The following HEATR4 variants were observed in gnomAD, a reference collection of about 807,000 sequenced individuals.
HEATR4 encodes HEAT repeat containing 4.
Under a neutral mutation model 108.8 loss-of-function variants are expected in HEATR4, and 95 were observed. The observed-to-expected ratio is 0.87, with a 90% CI of 0.74 to 1.04. The LOEUF (loss-of-function observed/expected upper bound fraction) is 1.04, where lower values mean the gene tolerates loss of function less well. Ranked by LOEUF, HEATR4 falls within the 50% of genes least tolerant of loss-of-function variation. HEATR4 has a pLI of 0.00. For synonymous variants in HEATR4, 443 were observed against 459.4 expected (o/e 0.96, Z 0.46); for missense variants, 1,152 against 1,253.8 (o/e 0.92, Z 1.23).
At chr14:73,592,421 G>T in the HEATR4 span, 1 of 1,509,422 alleles carries the variant, frequency 6.6e-7, no homozygotes, top group Non-Finnish European at 8.8e-7. Flanking sequence ...CGCCAGGTGA[G>T]CCAGGCTGCT....
the HEATR4 span, chr14:73,619,797 A>G: frequency 6.2e-7 from 1 of 1,610,730 alleles, no homozygotes; most frequent in South Asian, 1.1e-5. Flanking sequence ...TCTTCCATAA[A>G]CATCTCAATG....
Position 73,536,391 on chromosome 14 carries a change from T to C in HEATR4, c.-151-6147A>G, listed in dbSNP as rs1888862239. On this transcript the variant is annotated intron_variant, in intron 1 of 17. Transcript: ENST00000553558. ...TGCATGGGGAGCGCCGGTAGTCCCT[T>C]GAGGTGTTTGAGAGGCTGAGGCAGG... Among the ~76,000 whole-genome samples the C allele has an allele frequency of 1.8e-5, 2 of 108,344 alleles. 1 individual carries two copies. The highest frequency in any genetic ancestry group is 6.0e-5 in the African/African-American group (2 of 33,230). 71.1% of individuals were successfully genotyped at this position (108,344 alleles called of 152,430 possible). A position where few individuals can be genotyped will look rare whatever the true frequency, so the allele number is the denominator to read the frequency against.
Position 73,496,636 on chromosome 14 carries a change from C to T in HEATR4, c.2590G>A (p.Gly864Arg), listed in dbSNP as rs202004334. Residue 864 changes from glycine (G) to arginine (R), a missense_variant, in exon 15 of 18, where the codon GGA becomes AGA. By Grantham distance (125) the Gly-to-Arg change is moderately radical (BLOSUM62 -2). Transcript: ENST00000553558. ...ATCTCCTGAAGCATTTCTTGGTTTC[C>T]TTCATTTCCTAAGTTGAGTATCTTC... ...TMKILNLGNE[G>R]NQEMLQEIKN... is the part of the protein sequence containing the mutation. 34 of 1,603,050 alleles carry T rather than the reference C, an allele frequency of 2.1e-5. 1 individual carries two copies. The Middle Eastern group carries it at 6.6e-4, about 31-fold the overall frequency.
chr14:73,622,947 C>T, the HEATR4 span, among the ~76,000 whole-genome samples: 15 of 151,784 alleles, frequency 9.9e-5, 1 homozygote, highest in African/African-American at 3.6e-4. Flanking sequence ...TTTGCTCTTG[C>T]TGCCTGGGCT....
chr14:73,512,007 TGA>T lies in HEATR4; in HGVS notation c.1555_1556del (p.Ser519ArgfsTer21). On this transcript the variant is annotated frameshift_variant and splice_region_variant, in exon 7 of 18. Coordinates refer to ENST00000553558, the MANE Select transcript of HEATR4 (RefSeq NM_001220484.1). LOFTEE classifies it high-confidence loss of function. ...AAGCAGTTCAGCTTTGGCTCTCACC[TGA>T]GTCTCTCTGGCTGGTGGCAATCCGG... ...RPRIATSQRD[S>X]DKTIQDLPEV... is the part of the protein sequence containing the mutation. 6.2e-7 allele frequency: 1 copy of T among 1,613,970 alleles called. No individual in the cohort carries two copies. Among genetic ancestry groups the T allele is most frequent in the Non-Finnish European group, 8.5e-7 (1 of 1,179,888 alleles).
At chr14:73,619,199 T>C in the HEATR4 span, 1 of 1,525,616 alleles carries the variant, frequency 6.6e-7, no homozygotes, top group Non-Finnish European at 8.8e-7. Flanking sequence ...ATTTATGAAT[T>C]CTAAGCTTGT....
chr14:73,497,494 A>C (rs1253226721), intron 14 of HEATR4, among the ~76,000 whole-genome samples: 1 of 152,204 alleles, frequency 6.6e-6, no homozygotes, highest in Admixed American at 6.5e-5. Context: ...ACAGAGTTTA[A>C]ATACCTTACA....
intron 9 of HEATR4, among the ~76,000 whole-genome samples, chr14:73,507,490 G>A (rs999188546): frequency 1.3e-5 from 2 of 152,178 alleles, no homozygotes; most frequent in African/African-American, 4.8e-5. Context: ...CTGGAGTACA[G>A]TGGTGTGATC....
At chr14:73,593,811 T>G in the HEATR4 span, 1 of 1,073,002 alleles carries the variant, frequency 9.3e-7, no homozygotes, top group Non-Finnish European at 1.4e-6. Context: ...TGGCTCTAGC[T>G]TATTATAACT....
chr14:73,495,681 TTTTA>T (rs1311795236), intron 15 of HEATR4, among the ~76,000 whole-genome samples: 1 of 152,202 alleles, frequency 6.6e-6, no homozygotes, highest in Non-Finnish European at 1.5e-5. Flanking sequence ...GTTGGAGATT[TTTTA>T]TACCTGTTCG....
the HEATR4 span, among the ~76,000 whole-genome samples, chr14:73,577,725 G>A: frequency 6.6e-6 from 1 of 152,024 alleles, no homozygotes; most frequent in African/African-American, 2.4e-5. Context: ...AAGCACTACA[G>A]ATGAGCTGGT....
the HEATR4 span, among the ~76,000 whole-genome samples, chr14:73,589,529 G>A: frequency 6.6e-6 from 1 of 152,128 alleles, no homozygotes; most frequent in East Asian, 1.9e-4. Flanking sequence ...ATGTTGGACA[G>A]GCTCGTCTAG....
At chr14:73,627,817 C>A in the HEATR4 span, among the ~76,000 whole-genome samples, 1 of 106,522 alleles carries the variant, frequency 9.4e-6, no homozygotes, top group African/African-American at 4.2e-5. Context: ...AAAGTCCCAA[C>A]AATTTTTTTT....
At chr14:73,564,717 TTC>T in the HEATR4 span, among the ~76,000 whole-genome samples, 2 of 131,762 alleles carry the variant, frequency 1.5e-5, no homozygotes, top group African/African-American at 5.7e-5. Flanking sequence ...GTCTTATCTT[TTC>T]TGTTTTTTGT....
the HEATR4 span, among the ~76,000 whole-genome samples, chr14:73,592,814 C>G: frequency 6.6e-6 from 1 of 152,212 alleles, no homozygotes; most frequent in African/African-American, 2.4e-5. Flanking sequence ...GATCGCACCA[C>G]TGCACTCCAG....
At chr14:73,626,053 A>G in the HEATR4 span, among the ~76,000 whole-genome samples, 2 of 152,376 alleles carry the variant, frequency 1.3e-5, no homozygotes, top group East Asian at 1.9e-4. Context: ...GAAGGCAATT[A>G]AAAGTCCTAC....
At chr14:73,522,140 G>T (rs1888010608) in intron 3 of HEATR4, 132 bp downstream of exon 3, 2 of 933,438 alleles carry the variant, frequency 2.1e-6, no homozygotes, top group Non-Finnish European at 3.3e-6. Context: ...CTCTCAGAGA[G>T]CAGGCCGGTG....
At chr14:73,515,671 CAAAAAAAAA>C (rs35601077) in intron 5 of HEATR4, among the ~76,000 whole-genome samples, 4 of 33,514 alleles carry the variant, frequency 1.2e-4, no homozygotes, top group African/African-American at 3.0e-4. Flanking sequence ...GACTCCATCT[CAAAAAAAAA>C]AAAAAAAAAA....
In HEATR4 at chr14:73,507,414, C is replaced by T. The variant is rs375715919; in HGVS notation, c.1881+720G>A. 5.9e-5 allele frequency among the ~76,000 whole-genome samples: 9 copies of T among 152,246 alleles called. No individual in the cohort carries two copies. The South Asian group carries it at 8.3e-4, about 14-fold the overall frequency. ...TTGAGATTGTCAACCCAACCGGCTG[C>T]ATTTTATCTAATTAATTAATTGTGT... is the stretch of plus-strand genomic sequence containing the variant. On this transcript the variant is annotated intron_variant, in intron 9 of 17. Transcript: ENST00000553558.
Sources: allele counts gnomAD v4.1 joint callset (sites outside exome capture counted in the v4.1 genomes callset), GRCh38; gene constraint gnomAD v4.1.1; transcripts MANE v1.5; gene names NCBI Gene and HGNC (gene_info 2026-07-23, HGNC 2026-07-21).